The following PCDH15 variants were observed in gnomAD, a reference collection of about 807,000 sequenced individuals.
PCDH15 encodes the protein protocadherin related 15, also known as protocadherin-15.
PCDH15 carries 129 observed loss-of-function variants against 178.5 expected under a neutral mutation model. The observed-to-expected ratio is 0.72, with a 90% CI of 0.63 to 0.84. PCDH15 has a LOEUF of 0.84. Ranked by LOEUF, PCDH15 falls within the 40% of genes least tolerant of loss-of-function variation. PCDH15 has a pLI of 0.00. For missense variants in PCDH15, 2,230 were observed against 2,099.9 expected (o/e 1.06, Z -1.21); for synonymous variants, 800 against 732.0 (o/e 1.09, Z -1.50).
chr10:55,288,401 C>T (rs763300942), intron 1 of PCDH15, among the ~76,000 whole-genome samples: 1 of 151,566 alleles, frequency 6.6e-6, no homozygotes, highest in African/African-American at 2.4e-5. Context: ...ACTGAAGAAA[C>T]GTGAATCAAA....
intron 2 of PCDH15, among the ~76,000 whole-genome samples, chr10:54,661,005 A>T (rs1469252500): frequency 6.6e-6 from 1 of 152,064 alleles, no homozygotes; most frequent in Non-Finnish European, 1.5e-5. Context: ...AACTAATATC[A>T]TACTGAATGG....
intron 1 of PCDH15, among the ~76,000 whole-genome samples, chr10:54,746,369 C>T (rs75988686): frequency 1.7e-3 from 1 of 586 alleles, no homozygotes; most frequent in African/African-American, 2.0e-3. Flanking sequence ...TACAAACATA[C>T]AGTTAGATGA....
Position 54,717,703 on chromosome 10 carries a change from C to T in PCDH15, c.-28-53413G>A, listed in dbSNP as rs1228589558. Among the ~76,000 whole-genome samples the T allele has an allele frequency of 5.8e-5, 8 of 138,178 alleles. 1 individual carries two copies. The highest frequency in any genetic ancestry group is 2.0e-4 in the East Asian group (1 of 4,892). The allele number at this position is 138,178 out of a possible 152,430, so 90.7% of individuals were successfully genotyped here. ...TCAACCATTGTGGAAGTCAGTGTGG[C>T]GATTCCTCAGGGATCTAGAACTGGA... On this transcript the variant is annotated intron_variant, in intron 1 of 37. Transcript: ENST00000644397.
intron 2 of PCDH15, among the ~76,000 whole-genome samples, chr10:55,427,593 T>C (rs1327773884): frequency 6.6e-6 from 1 of 152,200 alleles, no homozygotes; most frequent in African/African-American, 2.4e-5. Flanking sequence ...AATATTTTTG[T>C]GTACTAGTTT....
At chr10:55,459,578 T>C (rs1839628830) in intron 2 of PCDH15, among the ~76,000 whole-genome samples, 1 of 152,090 alleles carries the variant, frequency 6.6e-6, no homozygotes, top group South Asian at 2.1e-4. Flanking sequence ...AAGAAGTGAT[T>C]GGAACACAAT....
At chr10:55,168,142 G>C (rs377236199) in intron 1 of PCDH15, among the ~76,000 whole-genome samples, 2 of 152,170 alleles carry the variant, frequency 1.3e-5, no homozygotes, top group East Asian at 1.9e-4. Context: ...AAGCTTAATA[G>C]CAATATGTAA....
At chr10:54,731,181 C>A (rs1272292869) in intron 1 of PCDH15, among the ~76,000 whole-genome samples, 2 of 151,140 alleles carry the variant, frequency 1.3e-5, no homozygotes, top group Non-Finnish European at 3.0e-5. Context: ...CATCACTAGT[C>A]TTCAGTGAAA....
intron 2 of PCDH15, among the ~76,000 whole-genome samples, chr10:55,355,829 A>G (rs377197074): frequency 6.6e-6 from 1 of 151,956 alleles, no homozygotes; most frequent in African/African-American, 2.4e-5. Flanking sequence ...CATAACATCT[A>G]GATGTGACAT....
At chr10:54,064,406 C>G (rs1342208604) in intron 18 of PCDH15, among the ~76,000 whole-genome samples, 1 of 152,130 alleles carries the variant, frequency 6.6e-6, no homozygotes, top group Non-Finnish European at 1.5e-5. Context: ...CTCTGGGCCA[C>G]GGACTCCACT....
intron 2 of PCDH15, among the ~76,000 whole-genome samples, chr10:54,622,428 G>C (rs2134454963): frequency 6.7e-6 from 1 of 148,436 alleles, no homozygotes; most frequent in East Asian, 2.0e-4. Flanking sequence ...TTTTCCATGA[G>C]TTCTGGTGAT....
rs1843712920 is a variant in PCDH15 at position 55,315,972 on chromosome 10, C to T, written c.-156+3627G>A. Among the ~76,000 whole-genome samples, 2 of 152,190 alleles carry T rather than the reference C, an allele frequency of 1.3e-5. 1 individual carries two copies. Among genetic ancestry groups the T allele is most frequent in the Admixed American group, 1.3e-4 (2 of 15,282 alleles). On this transcript the variant is annotated intron_variant, in intron 1 of 5. Transcript: ENST00000458638. ...CAGAGGTTGCAGTGAGCCTAGACTG[C>T]ACCATTGCATTCCAGCCTTGGCAAT...
chr10:55,527,472 T>A (rs559345233), intron 2 of PCDH15, among the ~76,000 whole-genome samples: 9 of 152,128 alleles, frequency 5.9e-5, no homozygotes, highest in African/African-American at 1.9e-4. Flanking sequence ...TAGATTAGGG[T>A]CGATTTACTC....
At chr10:55,612,321 T>A (rs926825356) in intron 2 of PCDH15, among the ~76,000 whole-genome samples, 6 of 152,022 alleles carry the variant, frequency 3.9e-5, no homozygotes, top group Admixed American at 2.6e-4. Context: ...AAATAAAAAA[T>A]TAAGATGGAG....
At chr10:55,475,856 A>T (rs974173894) in intron 2 of PCDH15, among the ~76,000 whole-genome samples, 3 of 152,122 alleles carry the variant, frequency 2.0e-5, no homozygotes, top group Non-Finnish European at 2.9e-5. Context: ...TAGCTTCCTA[A>T]CTTATCTCTA....
chr10:55,533,510 C>A (rs1475617057), intron 2 of PCDH15, among the ~76,000 whole-genome samples: 1 of 151,886 alleles, frequency 6.6e-6, no homozygotes, highest in Non-Finnish European at 1.5e-5. Context: ...CGTAGGAATA[C>A]AGCTAATGAA....
intron 1 of PCDH15, among the ~76,000 whole-genome samples, chr10:54,681,127 C>T (rs10825373): frequency 0.1 from 15,180 of 152,104 alleles, 1,518 homozygotes; most frequent in East Asian, 0.48. Context: ...AGATGAGAGA[C>T]GTAGCCAACA....
At chr10:54,278,830 T>C (rs907003571) in intron 8 of PCDH15, among the ~76,000 whole-genome samples, 1 of 151,746 alleles carries the variant, frequency 6.6e-6, no homozygotes. Context: ...GGTTATTCTA[T>C]TTGTTCAGCA....
chr10:53,994,880 T>G (rs1273469756), intron 21 of PCDH15: 1 of 152,136 alleles, frequency 6.6e-6, no homozygotes, highest in Non-Finnish European at 1.5e-5. Context: ...ACAGAACTTC[T>G]AAATCACTTA....
intron 25 of PCDH15, among the ~76,000 whole-genome samples, chr10:53,936,690 A>G (rs1242614843): frequency 6.6e-6 from 1 of 152,160 alleles, no homozygotes; most frequent in Non-Finnish European, 1.5e-5. Context: ...TAATCACATC[A>G]TGGTTGCACA....
Sources: allele counts gnomAD v4.1 joint callset (sites outside exome capture counted in the v4.1 genomes callset), GRCh38; gene constraint gnomAD v4.1.1; transcripts MANE v1.5; gene names NCBI Gene and HGNC (gene_info 2026-07-23, HGNC 2026-07-21).